PPARGC1B: variants seen among roughly 807,000 people sequenced by gnomAD.
PPARGC1B encodes the protein PPARG coactivator 1 beta, also known as peroxisome proliferator-activated receptor gamma coactivator 1-beta.
Under a neutral mutation model 101.6 loss-of-function variants are expected in PPARGC1B, and 34 were observed. That is an observed-to-expected ratio of 0.33 (90% confidence interval 0.25 to 0.45). The LOEUF (loss-of-function observed/expected upper bound fraction) is 0.45. Ranked by LOEUF, PPARGC1B falls within the 20% of genes least tolerant of loss-of-function variation. The probability of loss-of-function intolerance (pLI) is 1.00; values close to 1 mark genes in which losing one functional copy is unlikely to be tolerated. For synonymous variants in PPARGC1B, 548 were observed against 539.3 expected (o/e 1.02, Z -0.22); for missense variants, 1,234 against 1,317.6 (o/e 0.94, Z 0.98).
intron 1 of PPARGC1B, among the ~76,000 whole-genome samples, chr5:149,770,075 C>G (rs1017910567): frequency 6.6e-6 from 1 of 152,190 alleles, no homozygotes; most frequent in African/African-American, 2.4e-5. Context: ...AGCCCCCTCA[C>G]CTCTGCAGCA....
chr5:149,760,638 A>G (rs956109047), intron 1 of PPARGC1B, among the ~76,000 whole-genome samples: 1 of 152,246 alleles, frequency 6.6e-6, no homozygotes, highest in African/African-American at 2.4e-5. Flanking sequence ...AGAGTGAAAC[A>G]TAAGTGGAGC....
rs758789144 is a variant in PPARGC1B at position 149,844,945 on chromosome 5, C to T, written c.2817-815C>T. ...CTGCCTGTAGCTTTAAGCTACCCCC[C>T]AGCAGCTTAGAGACCCCTGAGAAGG... On this transcript the variant is annotated intron_variant, in intron 10 of 11. Coordinates refer to ENST00000309241, the MANE Select transcript of PPARGC1B (RefSeq NM_133263.4). Among the ~76,000 whole-genome samples the T allele has an allele frequency of 5.9e-5, 9 of 152,314 alleles. No homozygotes were observed. In the East Asian group the frequency reaches 7.7e-4, roughly 13 times the overall value.
intron 1 of PPARGC1B, among the ~76,000 whole-genome samples, chr5:149,758,681 C>T (rs987057174): frequency 6.6e-6 from 1 of 152,226 alleles, no homozygotes; most frequent in Non-Finnish European, 1.5e-5. Context: ...TCCAAGAGGG[C>T]TGAGGCCAGC....
intron 1 of PPARGC1B, among the ~76,000 whole-genome samples, chr5:149,760,847 G>A (rs182066836): frequency 6.6e-6 from 1 of 152,288 alleles, no homozygotes; most frequent in Admixed American, 6.5e-5. Flanking sequence ...GTCCTGTTGG[G>A]CATTTAAGGA....
chr5:149,841,560 A>G (rs905044208), intron 9 of PPARGC1B, among the ~76,000 whole-genome samples: 5 of 152,166 alleles, frequency 3.3e-5, no homozygotes, highest in South Asian at 2.1e-4. Flanking sequence ...TGTTTTTCCT[A>G]TGGGAACACA....
intron 1 of PPARGC1B, among the ~76,000 whole-genome samples, chr5:149,763,061 G>A (rs543229498): frequency 3.9e-5 from 6 of 152,014 alleles, no homozygotes; most frequent in South Asian, 4.1e-4. Context: ...TTAGCATTAC[G>A]GGCATGAGCC....
At chr5:149,751,215 C>G (rs1036030700) in intron 1 of PPARGC1B, among the ~76,000 whole-genome samples, 8 of 152,308 alleles carry the variant, frequency 5.3e-5, no homozygotes, top group African/African-American at 1.9e-4. Flanking sequence ...CACCCTGCCA[C>G]TTAGCAGTTT....
intron 1 of PPARGC1B, among the ~76,000 whole-genome samples, chr5:149,810,841 T>C (rs113676364): frequency 2.0e-5 from 3 of 152,024 alleles, no homozygotes; most frequent in African/African-American, 7.2e-5. Flanking sequence ...AATTTGCAAA[T>C]TGAGAGATTC....
At chr5:149,825,036 G>A (rs1286194821) in intron 2 of PPARGC1B, among the ~76,000 whole-genome samples, 1 of 152,234 alleles carries the variant, frequency 6.6e-6, no homozygotes, top group Non-Finnish European at 1.5e-5. Context: ...GACCTGGGAT[G>A]GGAAAGAGTG....
At chr5:149,739,126 A>T (rs79271039) in intron 1 of PPARGC1B, among the ~76,000 whole-genome samples, 2 of 152,236 alleles carry the variant, frequency 1.3e-5, no homozygotes, top group Non-Finnish European at 2.9e-5. Context: ...ACATTTGACT[A>T]TGGAAAATGT....
chr5:149,763,956 A>G (rs1180176310), intron 1 of PPARGC1B, among the ~76,000 whole-genome samples: 1 of 151,998 alleles, frequency 6.6e-6, no homozygotes, highest in African/African-American at 2.4e-5. Flanking sequence ...CTGGGATTAC[A>G]GGTGTGAGCC....
chr5:149,793,982 T>C (rs1757114697), intron 1 of PPARGC1B, among the ~76,000 whole-genome samples: 1 of 152,150 alleles, frequency 6.6e-6, no homozygotes. Context: ...TTTTGTAAAG[T>C]TTTATTGGAA....
chr5:149,794,798 C>T (rs1444898597), intron 1 of PPARGC1B, among the ~76,000 whole-genome samples: 1 of 152,244 alleles, frequency 6.6e-6, no homozygotes, highest in Non-Finnish European at 1.5e-5. Flanking sequence ...CCTCTCAGCC[C>T]GCTGCTGATG....
At chr5:149,809,389 A>C (rs147255545) in intron 1 of PPARGC1B, among the ~76,000 whole-genome samples, 5,108 of 72,412 alleles carry the variant, frequency 0.071, 693 homozygotes, top group East Asian at 0.13. Flanking sequence ...ATAGATAGAT[A>C]GATCCATCTC....
Position 149,837,125 on chromosome 5 carries a change from C to A in PPARGC1B, c.2618+52C>A. The A allele has an allele frequency of 2.0e-6, 3 of 1,534,954 alleles. No individual in the cohort carries two copies. The highest frequency in any genetic ancestry group is 2.6e-6 in the Non-Finnish European group (3 of 1,142,234). ...CAGCGGGCAGTGGAGGATCCCAGTT[C>A]CCGGGGAGCCAGGAGCCCCAGGAGG... On this transcript the variant is annotated intron_variant, in intron 8 of 11. Coordinates refer to ENST00000309241, the MANE Select transcript of PPARGC1B (RefSeq NM_133263.4). The surrounding 1 kb of genome is among the most constrained non-coding windows in gnomAD (Gnocchi z 4.2).
At chr5:149,751,696 ACT>A (rs1755311723) in intron 1 of PPARGC1B, among the ~76,000 whole-genome samples, 1 of 149,700 alleles carries the variant, frequency 6.7e-6, no homozygotes, top group Non-Finnish European at 1.5e-5. Flanking sequence ...ACAGAGGAAG[ACT>A]CTGTCCAAAA....
intron 1 of PPARGC1B, among the ~76,000 whole-genome samples, chr5:149,752,676 A>G (rs1395639104): frequency 6.6e-6 from 1 of 152,060 alleles, no homozygotes; most frequent in African/African-American, 2.4e-5. Flanking sequence ...TAAAAATACA[A>G]AAATTAGCCA....
At position 149,768,177 on chromosome 5, in the gene PPARGC1B, T is replaced by C. The variant is rs1755988426; in HGVS notation, c.78+37757T>C. On this transcript the variant is annotated intron_variant, in intron 1 of 11. Transcript: ENST00000309241. ...AGTGCTTTGTGGCAGTCTCCGGATA[T>C]TCCGCCTTGATTTTAATCCAGAACG... Among the ~76,000 whole-genome samples the C allele has an allele frequency of 2.0e-5, 3 of 152,214 alleles. 1 individual carries two copies. In the South Asian group the frequency reaches 6.2e-4, roughly 32 times the overall value.
chr5:149,834,804 C>CCCCTGG, intron 6 of PPARGC1B, 94 bp downstream of exon 6: 5 of 1,160,294 alleles, frequency 4.3e-6, no homozygotes, highest in Non-Finnish European at 6.4e-6. Flanking sequence ...TCAGCGCCCA[C>CCCCTGG]CCCTGGCCCC....
Sources: gnomAD v4.1 joint callset for allele counts (sites outside exome capture counted in the v4.1 genomes callset) on GRCh38, gnomAD v4.1.1 for gene constraint, Gnocchi (gnomAD v3.1) non-coding constraint, MANE v1.5 for transcripts, NCBI Gene and HGNC (gene_info 2026-07-23, HGNC 2026-07-21) for gene names.